The following COA1 variants were observed in gnomAD, a reference collection of about 807,000 sequenced individuals.
The protein encoded by COA1 is cytochrome c oxidase assembly factor 1 homolog.
Under a neutral mutation model 16.0 loss-of-function variants are expected in COA1, and 13 were observed. The observed-to-expected ratio is 0.81, with a 90% CI of 0.53 to 1.29. COA1 has a LOEUF of 1.29. Ranked by LOEUF, COA1 falls within the 50% of genes most tolerant of loss-of-function variation. The pLI, the probability that COA1 is intolerant of heterozygous loss-of-function variation, is 0.00. For synonymous variants in COA1, 65 were observed against 65.7 expected (o/e 0.99, Z 0.05); for missense variants, 179 against 177.0 (o/e 1.01, Z -0.06).
intron 1 of COA1, among the ~76,000 whole-genome samples, chr7:43,661,616 G>A (rs968442354): frequency 1.3e-4 from 19 of 143,548 alleles, no homozygotes; most frequent in Admixed American, 3.5e-4. Flanking sequence ...CAGCCTGGGC[G>A]ATAGAGCGAG....
At chr7:43,706,565 AAAT>A (rs2094985155) in intron 1 of COA1, among the ~76,000 whole-genome samples, 1 of 149,958 alleles carries the variant, frequency 6.7e-6, no homozygotes, top group African/African-American at 2.5e-5. Context: ...AAAAATAAAA[AAAT>A]AAAAAAATAA....
intron 6 of COA1, chr7:43,632,438 ATTTTGACCTCCTCCCG>A (rs2085272652): frequency 6.6e-6 from 1 of 152,264 alleles, no homozygotes; most frequent in African/African-American, 2.4e-5. Flanking sequence ...TAATGTTGAT[ATTTTGACCTCCTCCCG>A]TGAATTGAAT....
In COA1 at chr7:43,647,606, A is replaced by C. The variant is rs759899266; in HGVS notation, c.44T>G (p.Leu15Arg). 5.0e-6 allele frequency: 8 copies of C among 1,613,938 alleles called. No individual in the cohort carries two copies. In the South Asian group the frequency reaches 7.7e-5, roughly 16 times the overall value. Residue 15 changes from leucine to arginine, a missense_variant, in exon 3 of 6, where the codon CTG (leucine) becomes CGG (arginine). Physicochemically the swap from Leu to Arg is moderately radical, Grantham distance 102 (BLOSUM62 -2). Transcript: ENST00000223336. ...ACCGTGGAAAAGGATCCTTGCTCCC[A>C]GAGGCATTGACCGCCTGCTTCCTGC... ...KYAGSRRSMP[L>R]GARILFHGVF...
intron 6 of COA1, among the ~76,000 whole-genome samples, chr7:43,609,956 GT>G (rs1322318690): frequency 6.6e-6 from 1 of 152,238 alleles, no homozygotes; most frequent in Admixed American, 6.5e-5. Context: ...GGAAGGGCTT[GT>G]TAATACAAAT....
chr7:43,696,690 T>A (rs974577281), intron 1 of COA1, among the ~76,000 whole-genome samples: 1 of 147,958 alleles, frequency 6.8e-6, no homozygotes, highest in East Asian at 1.9e-4. Context: ...AAAATGTTGA[T>A]ATATACATAT....
chr7:43,687,103 C>A (rs2094072009), intron 1 of COA1, among the ~76,000 whole-genome samples: 1 of 152,204 alleles, frequency 6.6e-6, no homozygotes, highest in African/African-American at 2.4e-5. Flanking sequence ...TAACTTACCT[C>A]ATCAAAGCTA....
intron 6 of COA1, among the ~76,000 whole-genome samples, chr7:43,617,413 T>C (rs1046635258): frequency 1.3e-5 from 2 of 152,144 alleles, no homozygotes; most frequent in Non-Finnish European, 2.9e-5. Flanking sequence ...TGGAGAGAAA[T>C]AGGCAAAGTC....
chr7:43,628,187 G>T (rs4507658), intron 6 of COA1, among the ~76,000 whole-genome samples: 96,996 of 151,866 alleles, frequency 0.64, 32,294 homozygotes, highest in African/African-American at 0.82. Context: ...ACATGGGGTT[G>T]CACCATGTTG....
At chr7:43,649,747 T>C (rs1449757343) in intron 1 of COA1, 1 of 152,280 alleles carries the variant, frequency 6.6e-6, no homozygotes, top group African/African-American at 2.4e-5. Flanking sequence ...GTATCTTTAT[T>C]AAGACAGTTT....
chr7:43,642,805 G>GA (rs1157516951), intron 4 of COA1, among the ~76,000 whole-genome samples: 1 of 152,082 alleles, frequency 6.6e-6, no homozygotes, highest in African/African-American at 2.4e-5. Flanking sequence ...ACATACTTGG[G>GA]AAAAAATCCC....
intron 1 of COA1, among the ~76,000 whole-genome samples, chr7:43,724,433 T>C (rs1399324666): frequency 6.6e-6 from 1 of 151,930 alleles, no homozygotes; most frequent in East Asian, 1.9e-4. Flanking sequence ...ACGCCTGTAG[T>C]CCCAGCTACT....
At chr7:43,625,276 G>C (rs1326530416) in intron 6 of COA1, 1 of 152,898 alleles carries the variant, frequency 6.5e-6, no homozygotes, top group East Asian at 1.9e-4. Context: ...TTTCACTTTG[G>C]ATTTGTTTTT....
At chr7:43,628,652 T>C (rs1004839430) in intron 6 of COA1, among the ~76,000 whole-genome samples, 4 of 152,216 alleles carry the variant, frequency 2.6e-5, no homozygotes, top group Admixed American at 2.0e-4. Flanking sequence ...TGCTTCTGGA[T>C]ATGTGGCGGT....
intron 1 of COA1, among the ~76,000 whole-genome samples, chr7:43,660,182 C>T (rs949667009): frequency 3.3e-5 from 5 of 152,286 alleles, no homozygotes; most frequent in Middle Eastern, 3.4e-3. Context: ...TCCTACTCCC[C>T]GACCCCAAGA....
intron 3 of COA1, 24 bp from the exon 4 acceptor site, chr7:43,645,423 T>C: frequency 6.2e-7 from 1 of 1,611,692 alleles, no homozygotes. Flanking sequence ...ACACACTTAT[T>C]TTCTTTATTG....
At chr7:43,610,346 CAAAAAAAAAAAAAA>C (rs138859141) in intron 6 of COA1, among the ~76,000 whole-genome samples, 1 of 41,330 alleles carries the variant, frequency 2.4e-5, no homozygotes, top group Non-Finnish European at 4.0e-5. Context: ...GACTCCGTCT[CAAAAAAAAAAAAAA>C]AAAAAAAAAA....
chr7:43,624,746 G>A (rs1006539588), intron 6 of COA1: 14 of 1,613,788 alleles, frequency 8.7e-6, no homozygotes, highest in Non-Finnish European at 1.2e-5. Flanking sequence ...AATGCAGACA[G>A]TCTGAAAAAG....
At chr7:43,727,078 A>AT (rs2095632005) in intron 1 of COA1, among the ~76,000 whole-genome samples, 1 of 152,234 alleles carries the variant, frequency 6.6e-6, no homozygotes, top group Non-Finnish European at 1.5e-5. Flanking sequence ...ATCACTACAC[A>AT]TTGTATACAT....
intron 1 of COA1, among the ~76,000 whole-genome samples, chr7:43,688,289 T>A (rs1281931894): frequency 6.6e-6 from 1 of 152,220 alleles, no homozygotes; most frequent in Admixed American, 6.5e-5. Flanking sequence ...AATTAATGTA[T>A]GCAATTAATG....
Sources: allele counts gnomAD v4.1 joint callset (sites outside exome capture counted in the v4.1 genomes callset), GRCh38; gene constraint gnomAD v4.1.1; transcripts MANE v1.5; gene names NCBI Gene and HGNC (gene_info 2026-07-23, HGNC 2026-07-21).